Variants in PCDHA4 observed in about 807,000 individuals in gnomAD.
PCDHA4 encodes the protein protocadherin alpha-4.
Under a neutral mutation model 61.4 loss-of-function variants are expected in PCDHA4, and 49 were observed. The ratio of observed to expected loss-of-function variants is 0.80; its 90% CI spans 0.63 to 1.01. PCDHA4 has a LOEUF of 1.01. Among genes scored for constraint, PCDHA4 ranks in the 50% least tolerant of loss-of-function variants. The probability of loss-of-function intolerance (pLI) is 0.00; values close to 1 mark genes in which losing one functional copy is unlikely to be tolerated. For synonymous variants in PCDHA4, 590 were observed against 550.3 expected (o/e 1.07, Z -1.01); for missense variants, 1,254 against 1,235.8 (o/e 1.01, Z -0.22).
chr5:140,934,926 G>A lies in PCDHA4; in HGVS notation c.2386-44023G>A, dbSNP rs1054459840. Among the ~76,000 whole-genome samples, 3 of 152,116 alleles carry A rather than the reference G, an allele frequency of 2.0e-5. No homozygotes were observed. In the East Asian group the frequency reaches 5.8e-4, roughly 29 times the overall value. On this transcript the variant is annotated intron_variant, in intron 1 of 3. Transcript: ENST00000530339. ...TGGAATAATTATGGATTCACATAAA[G>A]TTACAAAACTAGTATAGAGAGATCC...
intron 1 of PCDHA4, chr5:140,857,650 G>C (rs1212312396): frequency 6.3e-7 from 1 of 1,596,628 alleles, no homozygotes; most frequent in Non-Finnish European, 8.6e-7. Flanking sequence ...AGTTCCAGGT[G>C]AGCGCGCGCG....
At chr5:140,871,321 T>A in intron 1 of PCDHA4, 2 of 1,614,066 alleles carry the variant, frequency 1.2e-6, no homozygotes, top group Non-Finnish European at 1.7e-6. Flanking sequence ...CACGCTGGTG[T>A]GCTCCCGCGC....
Position 140,927,865 on chromosome 5 carries a change from A to G in PCDHA4, c.2386-51084A>G, listed in dbSNP as rs576160357. 6.8e-6 allele frequency: 11 copies of G among 1,614,110 alleles called. No homozygotes were observed. In the Admixed American group the frequency reaches 1.3e-4, roughly 20 times the overall value. On this transcript the variant is annotated intron_variant, in intron 1 of 3. Transcript: ENST00000530339. Reference sequence around the variant, plus strand: ...TGTCTTTGGTTTAGCTAGCACCGCTAAACTGCTGGTGGAGGTGACTGACGT... The same window carrying G: ...TGTCTTTGGTTTAGCTAGCACCGCTGAACTGCTGGTGGAGGTGACTGACGT...
Position 140,906,278 on chromosome 5 carries a change from C to T in PCDHA4, c.2386-72671C>T, listed in dbSNP as rs546102354. On this transcript the variant is annotated intron_variant, in intron 1 of 3. Coordinates refer to ENST00000530339, the MANE Select transcript of PCDHA4 (RefSeq NM_018907.4). ...ACCTCCTGAAATTATAGATAATCTT[C>T]AAATTAAGACAATAATAAGGTCATA... Among the ~76,000 whole-genome samples the T allele has an allele frequency of 4.6e-5, 7 of 152,270 alleles. No homozygotes were observed. In the South Asian group the frequency reaches 6.2e-4, roughly 14 times the overall value.
At chr5:140,967,562 C>T in intron 1 of PCDHA4, 1 of 1,614,064 alleles carries the variant, frequency 6.2e-7, no homozygotes, top group Non-Finnish European at 8.5e-7. Context: ...TCGCGTCCAG[C>T]TACGGGAGGA....
chr5:140,916,174 C>A (rs2077467805), intron 1 of PCDHA4, among the ~76,000 whole-genome samples: 1 of 152,124 alleles, frequency 6.6e-6, no homozygotes, highest in Non-Finnish European at 1.5e-5. Flanking sequence ...AGGCCTGGGA[C>A]TCTTCAAGGA....
At chr5:140,844,298 G>A (rs1779310568) in intron 1 of PCDHA4, among the ~76,000 whole-genome samples, 1 of 149,300 alleles carries the variant, frequency 6.7e-6, no homozygotes, top group Admixed American at 6.7e-5. Flanking sequence ...AAATTTGATA[G>A]TTTTCATATT....
At chr5:140,920,135 C>T (rs1206026315) in intron 1 of PCDHA4, among the ~76,000 whole-genome samples, 2 of 152,164 alleles carry the variant, frequency 1.3e-5, no homozygotes, top group Non-Finnish European at 2.9e-5. Flanking sequence ...TTTTAATTCT[C>T]CTCTCCAAAC....
rs191365735 is a variant in PCDHA4 at position 140,910,066 on chromosome 5, C to T, written c.2386-68883C>T. Among the ~76,000 whole-genome samples the T allele has an allele frequency of 7.2e-5, 11 of 152,234 alleles. No individual in the cohort carries two copies. In the East Asian group the frequency reaches 1.5e-3, roughly 21 times the overall value. On this transcript the variant is annotated intron_variant, in intron 1 of 3. Coordinates refer to ENST00000530339, the MANE Select transcript of PCDHA4 (RefSeq NM_018907.4). ...GTCATAATAAGTGATCTTTTAACAG[C>T]GTAAATTGTTGTCAAGGGGAACCAG...
chr5:140,835,749 G>C, intron 1 of PCDHA4: 1 of 1,613,432 alleles, frequency 6.2e-7, no homozygotes. Context: ...CCCGGCGTTC[G>C]CGCAGCCCGA....
intron 1 of PCDHA4, among the ~76,000 whole-genome samples, chr5:140,977,768 A>G (rs1264929933): frequency 1.3e-5 from 2 of 152,218 alleles, no homozygotes; most frequent in Non-Finnish European, 1.5e-5. Context: ...AATACTTTGC[A>G]TCCCTTAAAG....
At chr5:140,863,357 G>GCCAAGCACCGCAGC in intron 1 of PCDHA4, 1 of 1,259,532 alleles carries the variant, frequency 7.9e-7, no homozygotes, top group Non-Finnish European at 1.1e-6. Flanking sequence ...ACGACGCTGC[G>GCCAAGCACCGCAGC]GTGCTTGGCG....
At chr5:140,862,623 G>T in intron 1 of PCDHA4, 1 of 531,204 alleles carries the variant, frequency 1.9e-6, no homozygotes, top group Non-Finnish European at 3.8e-6. Context: ...ACAACCCGCG[G>T]GGCTGCCACG....
intron 1 of PCDHA4, among the ~76,000 whole-genome samples, chr5:140,925,279 C>T (rs1477579286): frequency 6.6e-6 from 1 of 152,058 alleles, no homozygotes; most frequent in African/African-American, 2.4e-5. Context: ...TCAGATTTTG[C>T]CTTTCAAATG....
chr5:140,849,079 T>C (rs1554142746), intron 1 of PCDHA4: 1 of 1,521,712 alleles, frequency 6.6e-7, no homozygotes, highest in African/African-American at 1.5e-5. Flanking sequence ...CTTGGACTTG[T>C]ATTACGGAAA....
chr5:140,854,596 A>G (rs1426256620), intron 1 of PCDHA4: 1 of 150,040 alleles, frequency 6.7e-6, no homozygotes, highest in Non-Finnish European at 1.5e-5. Flanking sequence ...AAAAGTTTAA[A>G]GTAATTGACA....
intron 1 of PCDHA4, among the ~76,000 whole-genome samples, chr5:140,914,503 T>C (rs2879076): frequency 0.12 from 17,707 of 152,222 alleles, 1,150 homozygotes; most frequent in Middle Eastern, 0.19. Context: ...CAACAGATCA[T>C]TGGGTCATGT....
chr5:140,836,517 G>T (rs782570045), intron 1 of PCDHA4: 2 of 1,613,750 alleles, frequency 1.2e-6, no homozygotes, highest in African/African-American at 1.3e-5. Context: ...CAGTCTGTTG[G>T]TGCTTACCCT....
chr5:140,841,896 T>A (rs2150325058), intron 1 of PCDHA4: 2 of 1,613,838 alleles, frequency 1.2e-6, no homozygotes, highest in Middle Eastern at 1.6e-4. Context: ...AATAAACTGG[T>A]TGAGCTCGTA....
Sources: allele counts gnomAD v4.1 joint callset (sites outside exome capture counted in the v4.1 genomes callset), GRCh38; gene constraint gnomAD v4.1.1; transcripts MANE v1.5; gene names NCBI Gene and HGNC (gene_info 2026-07-23, HGNC 2026-07-21).